Variants in KCNC3 observed in about 807,000 individuals in gnomAD.
KCNC3 encodes the protein voltage-gated potassium channel KCNC3.
In KCNC3, 22 loss-of-function variants were observed where a neutral mutation model predicts 43.9. That is an observed-to-expected ratio of 0.50 (90% CI 0.36 to 0.72). The LOEUF is 0.72. KCNC3 is among the 30% of genes least tolerant of loss of function. The probability of loss-of-function intolerance (pLI) is 0.00; values close to 1 mark genes in which losing one functional copy is unlikely to be tolerated. For missense variants in KCNC3, 829 were observed against 1,073.8 expected (o/e 0.77, Z 3.19); for synonymous variants, 492 against 488.0 (o/e 1.01, Z -0.11).
rs184090050 is a variant in KCNC3 at position 50,314,417 on chromosome 19, C to G, written c.*1698G>C. 1 of 175,592 alleles carries G rather than the reference C, an allele frequency of 5.7e-6. No individual in the cohort carries two copies. Among genetic ancestry groups the G allele is most frequent in the East Asian group, 1.8e-4 (1 of 5,416 alleles). 10.9% of individuals were successfully genotyped at this position (175,592 alleles called of 1,614,324 possible). ...ACCCCCGGGAGGTGCCACCCCCTTC[C>G]CAGAGTGCCTGCCCCTCAAACCCGC... On this transcript the variant is annotated 3_prime_UTR_variant, in exon 5 of 5. Coordinates refer to ENST00000477616, the MANE Select transcript of KCNC3 (RefSeq NM_004977.3).
chr19:50,312,939 G>C lies in KCNC3; in HGVS notation c.*3176C>G, dbSNP rs2036899240. On this transcript the variant is annotated 3_prime_UTR_variant, in exon 5 of 5. Transcript: ENST00000477616. ...AGGGTTTAGGGTCCGAGGGAAGGAT[G>C]GGGGGGACTCAAAATGCCCCTTGCA... 6.6e-6 allele frequency: 1 copy of C among 151,960 alleles called. No homozygotes were observed. The highest frequency in any genetic ancestry group is 2.1e-4 in the South Asian group (1 of 4,796). 9.4% of individuals were successfully genotyped at this position (151,960 alleles called of 1,614,324 possible).
Position 50,313,459 on chromosome 19 carries a change from C to T in KCNC3, c.*2656G>A, listed in dbSNP as rs1305203610. The T allele has an allele frequency of 1.3e-5, 2 of 152,222 alleles. No homozygotes were observed. Among genetic ancestry groups the T allele is most frequent in the African/African-American group, 2.4e-5 (1 of 41,442 alleles). 9.4% of individuals were successfully genotyped at this position (152,222 alleles called of 1,614,324 possible). On this transcript the variant is annotated 3_prime_UTR_variant, in exon 5 of 5. Coordinates refer to ENST00000477616, the MANE Select transcript of KCNC3 (RefSeq NM_004977.3). The stretch of plus-strand genomic sequence containing the variant: ...AAACAAGTGTTTGTCCTCATACTGC[C>T]TCAAACCTTAGCACACCACCAAAGG...
At chr19:50,332,439 G>A (rs369565904), upstream of KCNC3, among the ~76,000 whole-genome samples, 539 of 152,280 alleles carry the variant, frequency 3.5e-3, no homozygotes, top group African/African-American at 0.012. The surrounding 1 kb of genome is among the most constrained non-coding windows in gnomAD (Gnocchi z 5.8). Flanking sequence ...GAGGCCATGG[G>A]AGGGGAAGAG....
rs752367370 is a variant in KCNC3 at position 50,323,511 on chromosome 19, C to T, written c.1442G>A (p.Gly481Asp). ...RIGADPDDIL[G>D]SNHTYFKNIP... ...GTTCTTGAAGTAGGTGTGGTTGGAG[C>T]CCAGGATGTCATCGGGGTCGGCGCC... is the stretch of plus-strand genomic sequence containing the variant. The change falls in exon 2 of 5, where the codon GGC becomes GAC. Residue 481 changes from glycine (G) to aspartate (D), a missense_variant. Physicochemically the swap from Gly to Asp is moderately conservative, Grantham distance 94. This residue lies in a region of KCNC3 where 21 missense variants were observed against 21.0 expected (regional missense o/e 1.00). Transcript: ENST00000477616. The T allele has an allele frequency of 6.2e-7, 1 of 1,614,204 alleles. No individual in the cohort carries two copies. Among genetic ancestry groups the T allele is most frequent in the Admixed American group, 1.7e-5 (1 of 60,020 alleles).
At chr19:50,318,991 C>CAAAAA (rs11326559) in intron 4 of KCNC3, among the ~76,000 whole-genome samples, 40 of 71,412 alleles carry the variant, frequency 5.6e-4, no homozygotes, top group East Asian at 7.7e-4. Flanking sequence ...AAGACAGTCT[C>CAAAAA]AAAAAAAAAA....
intron 1 of KCNC3, among the ~76,000 whole-genome samples, chr19:50,326,987 T>C (rs1410657425): frequency 1.3e-5 from 2 of 151,110 alleles, no homozygotes; most frequent in Non-Finnish European, 3.0e-5. Flanking sequence ...GTAGAAAGAA[T>C]TGTAAGTTAT....
upstream of KCNC3, among the ~76,000 whole-genome samples, chr19:50,331,720 CCTCT>C (rs1051891315): frequency 2.6e-5 from 4 of 151,864 alleles, no homozygotes; most frequent in African/African-American, 7.3e-5. Flanking sequence ...TCTCTCTCTC[CCTCT>C]AAGTTTCTGC....
intron 4 of KCNC3, among the ~76,000 whole-genome samples, chr19:50,319,975 C>G (rs902703103): frequency 2.0e-5 from 3 of 148,332 alleles, no homozygotes; most frequent in Admixed American, 6.7e-5. Flanking sequence ...AGGATGGGGT[C>G]GGTCGTGAGG....
intron 2 of KCNC3, among the ~76,000 whole-genome samples, chr19:50,322,697 C>T (rs1232864090): frequency 6.6e-6 from 1 of 152,100 alleles, no homozygotes. Flanking sequence ...CACGCTCCTC[C>T]GGGTCCCTCT....
chr19:50,328,788 G>A lies in KCNC3; in HGVS notation c.295C>T (p.His99Tyr). The A allele has an allele frequency of 6.4e-7, 1 of 1,565,848 alleles. No individual in the cohort carries two copies. The highest frequency in any genetic ancestry group is 8.6e-7 in the Non-Finnish European group (1 of 1,158,630). ...CGCAGCGTCGAGCGGTACGTCTCAT[G>A]GCGCACGCCGCCCACGTTGATCACG... ...KIVINVGGVR[H>Y]ETYRSTLRTL... The change falls in exon 1 of 5, where the codon CAT (histidine) becomes TAT (tyrosine). Residue 99 changes from histidine (H) to tyrosine (Y), a missense_variant. His to Tyr is a moderately conservative substitution (Grantham distance 83). Around this residue, in one of 7 missense-constraint regions of KCNC3, gnomAD observed 121 missense variants for 247.4 expected, o/e 0.49. Transcript: ENST00000477616.
chr19:50,328,874 G>C lies in KCNC3; in HGVS notation c.209C>G (p.Pro70Arg). The C allele has an allele frequency of 8.2e-7, 1 of 1,212,560 alleles. No homozygotes were observed. Among genetic ancestry groups the C allele is most frequent in the East Asian group, 3.5e-5 (1 of 28,488 alleles). The allele number at this position is 1,212,560 out of a possible 1,614,324, so 75.1% of individuals were successfully genotyped here. ...GPGDRRAEPCPGLPAAAMGRH... is the reference protein window; with the variant it reads ...GPGDRRAEPCRGLPAAAMGRH... ...CCCCATGGCCGCCGCCGGCAGCCCGGGGCATGGCTCGGCGCGCCGGTCCCC... is the reference window on the plus strand; with the variant it reads ...CCCCATGGCCGCCGCCGGCAGCCCGCGGCATGGCTCGGCGCGCCGGTCCCC... Residue 70 changes from proline (P) to arginine (R), a missense_variant, in exon 1 of 5, where the codon CCC becomes CGC. Pro to Arg is a moderately radical substitution (Grantham distance 103). Around this residue, in one of 7 missense-constraint regions of KCNC3, gnomAD observed 121 missense variants for 247.4 expected, o/e 0.49. Transcript: ENST00000477616.
rs2037081930 is a variant in KCNC3, at chr19:50,324,712, G to C, written c.871-630C>G. On this transcript the variant is annotated intron_variant, in intron 1 of 4. Transcript: ENST00000477616. The surrounding 1 kb of genome is among the most constrained non-coding windows in gnomAD (Gnocchi z 4.1). ...AATTAGATGAGCGTACGAAGGACTT[G>C]GCTCCAAACACAGTGCTTGGAGCAG... Among the ~76,000 whole-genome samples the C allele has an allele frequency of 6.6e-6, 1 of 152,152 alleles. No individual in the cohort carries two copies. The highest frequency in any genetic ancestry group is 2.1e-4 in the South Asian group (1 of 4,818).
Position 50,313,531 on chromosome 19 carries a change from C to A in KCNC3, c.*2584G>T, listed in dbSNP as rs1568568019. ...AACACTGGTGTCTGTGAAGAGGGTACCTTTGGGGCACCATCTCAGGGAAGA... is the reference window on the plus strand; with the variant it reads ...AACACTGGTGTCTGTGAAGAGGGTAACTTTGGGGCACCATCTCAGGGAAGA... On this transcript the variant is annotated 3_prime_UTR_variant, in exon 5 of 5. Transcript: ENST00000477616. 1 of 152,142 alleles carries A rather than the reference C, an allele frequency of 6.6e-6. No homozygotes were observed. The highest frequency in any genetic ancestry group is 1.5e-5 in the Non-Finnish European group (1 of 68,040). 9.4% of individuals were successfully genotyped at this position (152,142 alleles called of 1,614,324 possible).
chr19:50,328,382 C>A lies in KCNC3; in HGVS notation c.701G>T (p.Gly234Val). The A allele has an allele frequency of 7.9e-7, 1 of 1,259,030 alleles. No homozygotes were observed. The highest frequency in any genetic ancestry group is 9.9e-7 in the Non-Finnish European group (1 of 1,006,670). The allele number at this position is 1,259,030 out of a possible 1,614,324, so 78.0% of individuals were successfully genotyped here. A position where few individuals can be genotyped will look rare whatever the true frequency, so the allele number is the denominator to read the frequency against. The change falls in exon 1 of 5, where the codon GGC becomes GTC. Residue 234 changes from glycine to valine, a missense_variant. Gly to Val is a moderately radical substitution (Grantham distance 109). Around this residue, in one of 7 missense-constraint regions of KCNC3, gnomAD observed 60 missense variants for 56.0 expected, o/e 1.07. Transcript: ENST00000477616. Reference protein sequence around the residue: ...LDDEAGAGGGGLDGAGGELKR... With the variant: ...LDDEAGAGGGVLDGAGGELKR... ...GAGCTCGCCGCCCGCTCCGTCCAGG[C>A]CGCCGCCGCCCGCGCCCGCCTCGTC...
chr19:50,314,765 A>T lies in KCNC3; in HGVS notation c.*1350T>A. The T allele has an allele frequency of 2.3e-6, 1 of 434,226 alleles. No individual in the cohort carries two copies. Among genetic ancestry groups the T allele is most frequent in the Non-Finnish European group, 4.6e-6 (1 of 218,094 alleles). The allele number at this position is 434,226 out of a possible 1,614,324, so 26.9% of individuals were successfully genotyped here. A position where few individuals can be genotyped will look rare whatever the true frequency, so the allele number is the denominator to read the frequency against. On this transcript the variant is annotated 3_prime_UTR_variant, in exon 5 of 5. Coordinates refer to ENST00000477616, the MANE Select transcript of KCNC3 (RefSeq NM_004977.3). ...ATTAATGACTTTTTGATTTTTTTTA[A>T]AAAAACCCTTTTCCCCACCCCCCAC...
At chr19:50,319,653 T>C (rs1349408010) in intron 4 of KCNC3, among the ~76,000 whole-genome samples, 1 of 152,188 alleles carries the variant, frequency 6.6e-6, no homozygotes, top group Non-Finnish European at 1.5e-5. Context: ...TCTCACTGTC[T>C]GTGCTCCCTC....
At chr19:50,318,942 C>T (rs747260364) in intron 4 of KCNC3, among the ~76,000 whole-genome samples, 5 of 135,166 alleles carry the variant, frequency 3.7e-5, no homozygotes, top group South Asian at 2.3e-4. Flanking sequence ...TGCAGTGAGC[C>T]GAGATTGCAC....
Position 50,314,650 on chromosome 19 carries a change from G to C in KCNC3, c.*1465C>G. The C allele has an allele frequency of 2.8e-6, 1 of 360,638 alleles. No individual in the cohort carries two copies. The highest frequency in any genetic ancestry group is 5.3e-6 in the Non-Finnish European group (1 of 189,398). 22.3% of individuals were successfully genotyped at this position (360,638 alleles called of 1,614,324 possible). A position where few individuals can be genotyped will look rare whatever the true frequency, so the allele number is the denominator to read the frequency against. On this transcript the variant is annotated 3_prime_UTR_variant, in exon 5 of 5. Coordinates refer to ENST00000477616, the MANE Select transcript of KCNC3 (RefSeq NM_004977.3). ...TGGGGAGGGAAGAGTTGGGGGGACG[G>C]GCTGTGGCCCCTCTCTCCATCCTGG...
chr19:50,323,085 A>G lies in KCNC3; in HGVS notation c.1868T>C (p.Leu623Pro), dbSNP rs2037054586. The G allele has an allele frequency of 1.9e-6, 3 of 1,540,064 alleles. No homozygotes were observed. The South Asian group carries it at 3.6e-5, about 18-fold the overall frequency. The change falls in exon 2 of 5, where the codon CTG becomes CCG. Residue 623 changes from leucine to proline, a missense_variant. By Grantham distance (98) the Leu-to-Pro change is moderately conservative. Around this residue, in one of 7 missense-constraint regions of KCNC3, gnomAD observed 308 missense variants for 276.2 expected, o/e 1.11. Transcript: ENST00000477616. Reference protein sequence around the residue: ...YPAGPHTHPGLLRGGAGGLGI... With the variant: ...YPAGPHTHPGPLRGGAGGLGI... ...CAGCCCACCCGCTCCCCCCCTGAGC[A>G]GCCCGGGGTGCGTGTGGGGCCCCGC...
Sources: allele counts gnomAD v4.1 joint callset (sites outside exome capture counted in the v4.1 genomes callset), GRCh38; gene constraint gnomAD v4.1.1; regional missense constraint gnomAD v4.1.1; non-coding constraint Gnocchi (gnomAD v3.1); transcripts MANE v1.5; gene names NCBI Gene and HGNC (gene_info 2026-07-23, HGNC 2026-07-21).